Variants in RXFP1 observed in about 807,000 individuals in gnomAD.
The protein encoded by RXFP1 is relaxin receptor 1.
In RXFP1, 73 loss-of-function variants were observed where a neutral mutation model predicts 89.8. The observed-to-expected ratio is 0.81, with a 90% CI of 0.67 to 0.99. The LOEUF is 0.99. RXFP1 is among the 50% of genes least tolerant of loss of function. The pLI is 0.00. For synonymous variants in RXFP1, 277 were observed against 305.5 expected (o/e 0.91, Z 0.97); for missense variants, 793 against 895.5 (o/e 0.89, Z 1.46).
intron 1 of RXFP1, among the ~76,000 whole-genome samples, chr4:158,526,757 T>C (rs1742593301): frequency 8.0e-6 from 1 of 125,738 alleles, no homozygotes; most frequent in African/African-American, 2.7e-5. Context: ...TATTTTATGA[T>C]AATGAATATG....
chr4:158,524,705 A>G (rs1049194114), intron 1 of RXFP1, among the ~76,000 whole-genome samples: 2 of 152,168 alleles, frequency 1.3e-5, no homozygotes, highest in Admixed American at 1.3e-4. Context: ...ACCTCTCTAT[A>G]CTATTTTTTC....
At chr4:158,595,422 A>G (rs1262405545) in intron 3 of RXFP1, among the ~76,000 whole-genome samples, 1 of 152,164 alleles carries the variant, frequency 6.6e-6, no homozygotes, top group Admixed American at 6.5e-5. Context: ...TTTTTCCTAT[A>G]TAGTGCCTTC....
rs1016674743 is a variant in RXFP1, at chr4:158,653,269, T to C, written c.*1214T>C. The C allele has an allele frequency of 6.6e-6, 1 of 152,226 alleles. No homozygotes were observed. Among genetic ancestry groups the C allele is most frequent in the African/African-American group, 2.4e-5 (1 of 41,462 alleles). 9.4% of individuals were successfully genotyped at this position (152,226 alleles called of 1,614,324 possible). A position where few individuals can be genotyped will look rare whatever the true frequency, so the allele number is the denominator to read the frequency against. ...ATAGTTTCAAATACACCAAAAATGT[T>C]TGAAACACAAAAATACTGGAATCAA... On this transcript the variant is annotated 3_prime_UTR_variant, in exon 18 of 18. Transcript: ENST00000307765.
chr4:158,572,962 A>G (rs1211242308), intron 2 of RXFP1, 127 bp downstream of exon 2: 3 of 1,333,048 alleles, frequency 2.3e-6, no homozygotes, highest in Non-Finnish European at 2.0e-6. Context: ...TGCTTAAGGA[A>G]ATCTTACACT....
At chr4:158,572,612 T>TTA in intron 1 of RXFP1, 86 bp from the exon 2 acceptor site, 3 of 1,199,408 alleles carry the variant, frequency 2.5e-6, no homozygotes, top group Non-Finnish European at 3.7e-6. Context: ...AGACAAATGA[T>TTA]TATAAAATAT....
intron 3 of RXFP1, among the ~76,000 whole-genome samples, chr4:158,595,223 T>C (rs1434109136): frequency 6.6e-6 from 1 of 152,240 alleles, no homozygotes; most frequent in Non-Finnish European, 1.5e-5. Context: ...TTGTACAACT[T>C]ATATCACTCC....
chr4:158,585,793 G>A (rs561429865), intron 2 of RXFP1, among the ~76,000 whole-genome samples: 2 of 152,198 alleles, frequency 1.3e-5, no homozygotes, highest in Non-Finnish European at 2.9e-5. Context: ...AATAAGCATA[G>A]CATGAAGCAG....
intron 9 of RXFP1, among the ~76,000 whole-genome samples, chr4:158,618,034 C>G (rs6849042): frequency 6.6e-6 from 1 of 152,064 alleles, no homozygotes; most frequent in African/African-American, 2.4e-5. Context: ...TCAAACTGTA[C>G]TAATCTGCAA....
At chr4:158,644,282 G>T (rs543853195) in intron 14 of RXFP1, among the ~76,000 whole-genome samples, 1 of 152,034 alleles carries the variant, frequency 6.6e-6, no homozygotes, top group East Asian at 1.9e-4. Flanking sequence ...TCCTGACCTC[G>T]TGATCCACCC....
chr4:158,562,886 G>A (rs1752791134), intron 1 of RXFP1, among the ~76,000 whole-genome samples: 1 of 152,168 alleles, frequency 6.6e-6, no homozygotes, highest in Non-Finnish European at 1.5e-5. Context: ...TAAAGTAATA[G>A]CTAGCTTGCC....
intron 1 of RXFP1, among the ~76,000 whole-genome samples, chr4:158,570,927 C>G (rs1579711998): frequency 6.6e-6 from 1 of 152,220 alleles, no homozygotes; most frequent in African/African-American, 2.4e-5. Flanking sequence ...CAGCCTGAAG[C>G]CTCTTCCTCA....
chr4:158,534,494 G>A (rs1045683530), intron 1 of RXFP1, among the ~76,000 whole-genome samples: 26 of 152,036 alleles, frequency 1.7e-4, no homozygotes, highest in Non-Finnish European at 3.2e-4. Context: ...TGATCCGCCC[G>A]CCTCGGCCTC....
chr4:158,546,980 G>A (rs1347306759), intron 1 of RXFP1, among the ~76,000 whole-genome samples: 1 of 152,036 alleles, frequency 6.6e-6, no homozygotes, highest in Non-Finnish European at 1.5e-5. Context: ...AGTTAGGGAG[G>A]ATTCCCTCTT....
At chr4:158,541,576 C>T (rs1017411857) in intron 1 of RXFP1, among the ~76,000 whole-genome samples, 2 of 152,084 alleles carry the variant, frequency 1.3e-5, no homozygotes, top group Non-Finnish European at 2.9e-5. Flanking sequence ...AAATTTCAAA[C>T]ATACACAAAA....
At chr4:158,636,783 A>G (rs1769255644) in intron 12 of RXFP1, among the ~76,000 whole-genome samples, 1 of 152,178 alleles carries the variant, frequency 6.6e-6, no homozygotes, top group Non-Finnish European at 1.5e-5. Context: ...TCTCTTAGCA[A>G]TTTTCAAGAA....
At chr4:158,527,564 A>AAAAAATATATATATATATATATATAT (rs5741905) in intron 1 of RXFP1, among the ~76,000 whole-genome samples, 5 of 98,324 alleles carry the variant, frequency 5.1e-5, no homozygotes, top group African/African-American at 1.4e-4. Context: ...AAAAAAAAAA[A>AAAAAATATATATATATATATATATAT]ATATATATAT....
intron 1 of RXFP1, among the ~76,000 whole-genome samples, chr4:158,533,035 A>G (rs1744435529): frequency 1.3e-5 from 2 of 152,352 alleles, no homozygotes; most frequent in East Asian, 1.9e-4. Flanking sequence ...CAGCAGGTTC[A>G]GGAAAACTGC....
Position 158,646,873 on chromosome 4 carries a change from G to A in RXFP1, c.1428G>A (p.Ala476=), listed in dbSNP as rs754696537. 64 of 1,613,926 alleles carry A rather than the reference G, an allele frequency of 4.0e-5. No individual in the cohort carries two copies. Among genetic ancestry groups the A allele is most frequent in the Non-Finnish European group, 5.1e-5 (60 of 1,179,936 alleles). ...LKFRGEYNKH[A]QLWMESTHCQ... is the part of the protein sequence containing the mutation. The stretch of plus-strand genomic sequence containing the variant: ...TTCGTGGAGAATACAATAAGCATGC[G>A]CAGCTGTGGATGGAGAGTACTCATT... Residue 476 remains alanine, a synonymous_variant, in exon 16 of 18, where the codon GCG becomes GCA. Transcript: ENST00000307765.
At chr4:158,623,335 C>A (rs144605046) in intron 9 of RXFP1, among the ~76,000 whole-genome samples, 1,464 of 115,222 alleles carry the variant, frequency 0.013, 8 homozygotes, top group Non-Finnish European at 0.018. Context: ...CCTGTCTCTA[C>A]TAAATACAAA....
Sources: allele counts gnomAD v4.1 joint callset (sites outside exome capture counted in the v4.1 genomes callset), GRCh38; gene constraint gnomAD v4.1.1; transcripts MANE v1.5; gene names NCBI Gene and HGNC (gene_info 2026-07-23, HGNC 2026-07-21).